The following DHRSX variants were observed in gnomAD, a reference collection of about 807,000 sequenced individuals.
DHRSX encodes the protein polyprenol dehydrogenase.
In DHRSX, 31 loss-of-function variants were observed where a neutral mutation model predicts 34.0. That is an observed-to-expected ratio of 0.91 (90% CI 0.69 to 1.23). The LOEUF is 1.23. Among genes scored for constraint, DHRSX ranks in the 50% most tolerant of loss-of-function variants. The pLI, the probability that DHRSX is intolerant of heterozygous loss-of-function variation, is 0.00. For synonymous variants in DHRSX, 201 were observed against 183.8 expected (o/e 1.09, Z -0.76); for missense variants, 414 against 428.1 (o/e 0.97, Z 0.29).
chrX:2,457,955 T>G (rs1277010844), intron 1 of DHRSX, among the ~76,000 whole-genome samples: 1 of 150,852 alleles, frequency 6.6e-6, no homozygotes, highest in Non-Finnish European at 1.5e-5. Context: ...ACTGAAGACA[T>G]TCCCTAAGCT....
chrX:2,284,081 C>G lies in DHRSX; in HGVS notation c.388+7421G>C, dbSNP rs145374955. Among the ~76,000 whole-genome samples the G allele has an allele frequency of 9.9e-3, 1,513 of 152,076 alleles. 29 individuals carry two copies. The highest frequency in any genetic ancestry group is 0.034 in the African/African-American group (1,401 of 41,454). ...CTTCATTTGTTCATTCATTTGAATT[C>G]ATTCCTTCATTTGAATTTATTCATT... On this transcript the variant is annotated intron_variant, in intron 4 of 6. Coordinates refer to ENST00000334651, the MANE Select transcript of DHRSX (RefSeq NM_145177.3).
At chrX:2,256,493 C>G (rs112109740) in intron 5 of DHRSX, among the ~76,000 whole-genome samples, 18,545 of 151,806 alleles carry the variant, frequency 0.12, 3,630 homozygotes, top group African/African-American at 0.41. Flanking sequence ...ACGGGGTTTC[C>G]CCATGTTGAC....
At chrX:2,355,278 G>A (rs7063971) in intron 3 of DHRSX, among the ~76,000 whole-genome samples, 116,576 of 151,652 alleles carry the variant, frequency 0.77, 45,950 homozygotes, top group African/African-American at 0.9. Flanking sequence ...TTGCGAAGCC[G>A]AGGACGACGG....
At chrX:2,330,069 ACGG>A (rs1353304691) in intron 3 of DHRSX, among the ~76,000 whole-genome samples, 16 of 1,750 alleles carry the variant, frequency 9.1e-3, no homozygotes, top group South Asian at 0.028. Flanking sequence ...AAGCAGAGAG[ACGG>A]CGGGGGGGGG....
intron 3 of DHRSX, among the ~76,000 whole-genome samples, chrX:2,313,399 C>T (rs775551284): frequency 1.1e-4 from 16 of 150,172 alleles, no homozygotes; most frequent in African/African-American, 3.7e-4. Flanking sequence ...GATGTAGTCT[C>T]GCTCTGTCGC....
chrX:2,321,321 C>A (rs773407733), intron 3 of DHRSX, among the ~76,000 whole-genome samples: 1 of 152,232 alleles, frequency 6.6e-6, no homozygotes, highest in South Asian at 2.1e-4. Context: ...TGTCCACTGA[C>A]ATTTACAGCT....
At chrX:2,352,766 A>G (rs2042803420) in intron 3 of DHRSX, among the ~76,000 whole-genome samples, 1 of 152,204 alleles carries the variant, frequency 6.6e-6, no homozygotes, top group African/African-American at 2.4e-5. Flanking sequence ...CCTACAGCAA[A>G]TAAAACAGAC....
intron 3 of DHRSX, among the ~76,000 whole-genome samples, chrX:2,381,279 C>G (rs181311518): frequency 6.6e-6 from 1 of 152,274 alleles, no homozygotes; most frequent in Non-Finnish European, 1.5e-5. Flanking sequence ...GAGTGTCCTT[C>G]TAAAAGGGAC....
chrX:2,333,518 G>A lies in DHRSX; in HGVS notation c.287-41915C>T, dbSNP rs188393830. ...CAACCTCCGCCTCATGGGTTCAAGT[G>A]ATTCTTGTGCCTCAGCCTCCCGAGT... On this transcript the variant is annotated intron_variant, in intron 3 of 6. Coordinates refer to ENST00000334651, the MANE Select transcript of DHRSX (RefSeq NM_145177.3). Among the ~76,000 whole-genome samples the A allele has an allele frequency of 2.4e-4, 36 of 152,266 alleles. No homozygotes were observed. In the East Asian group the frequency reaches 6.9e-3, roughly 29 times the overall value.
intron 3 of DHRSX, among the ~76,000 whole-genome samples, chrX:2,337,473 T>A (rs2042583200): frequency 6.6e-6 from 1 of 151,978 alleles, no homozygotes; most frequent in Admixed American, 6.6e-5. Flanking sequence ...TAAAACAAGT[T>A]TTTTTGTTTT....
At chrX:2,262,245 A>T (rs1360640496) in intron 5 of DHRSX, among the ~76,000 whole-genome samples, 1 of 152,220 alleles carries the variant, frequency 6.6e-6, no homozygotes, top group Admixed American at 6.5e-5. Context: ...CCCTGAGCTG[A>T]GAAGAAGCCT....
At chrX:2,456,861 C>T (rs1603117998) in intron 1 of DHRSX, among the ~76,000 whole-genome samples, 1 of 152,090 alleles carries the variant, frequency 6.6e-6, no homozygotes, top group African/African-American at 2.4e-5. Context: ...TGGGGAGCTG[C>T]TGTTCCAGAA....
chrX:2,430,315 C>G (rs2043902440), intron 1 of DHRSX, among the ~76,000 whole-genome samples: 1 of 150,290 alleles, frequency 6.7e-6, no homozygotes, highest in African/African-American at 2.4e-5. Context: ...GCATTTGTAA[C>G]TTTAGCTAGA....
chrX:2,389,060 T>C (rs1223334184), intron 3 of DHRSX, among the ~76,000 whole-genome samples: 2 of 152,196 alleles, frequency 1.3e-5, no homozygotes, highest in Admixed American at 6.5e-5. Context: ...CCACCTGGTC[T>C]GTGGATCTCT....
intron 6 of DHRSX, among the ~76,000 whole-genome samples, chrX:2,230,050 T>A (rs1273907925): frequency 2.0e-5 from 3 of 152,298 alleles, no homozygotes; most frequent in African/African-American, 4.8e-5. Flanking sequence ...GATATACGCA[T>A]GTCTGTGTGC....
chrX:2,449,297 C>G (rs1271313336), intron 1 of DHRSX, among the ~76,000 whole-genome samples: 2 of 152,060 alleles, frequency 1.3e-5, no homozygotes, highest in East Asian at 3.8e-4. Flanking sequence ...AGTTATTACT[C>G]GGAGGGCCGG....
At chrX:2,480,325 A>T (rs773645305) in intron 1 of DHRSX, among the ~76,000 whole-genome samples, 84 of 150,854 alleles carry the variant, frequency 5.6e-4, no homozygotes, top group South Asian at 1.3e-3. Context: ...GCATAAACGC[A>T]GAGAGTGCAA....
chrX:2,473,061 G>C (rs2044618204), intron 1 of DHRSX, among the ~76,000 whole-genome samples: 1 of 152,062 alleles, frequency 6.6e-6, no homozygotes, highest in Non-Finnish European at 1.5e-5. Context: ...ATGGCACCTA[G>C]CTCTAGCCAG....
chrX:2,284,764 C>G (rs1233448227), intron 4 of DHRSX, among the ~76,000 whole-genome samples: 1 of 152,168 alleles, frequency 6.6e-6, no homozygotes, highest in Non-Finnish European at 1.5e-5. Context: ...TATTCTTGTG[C>G]TTGATAAATC....
Sources: gnomAD v4.1 joint callset for allele counts (sites outside exome capture counted in the v4.1 genomes callset) on GRCh38, gnomAD v4.1.1 for gene constraint, MANE v1.5 for transcripts, NCBI Gene and HGNC (gene_info 2026-07-23, HGNC 2026-07-21) for gene names.